The following L3MBTL3 variants were observed in gnomAD, a reference collection of about 807,000 sequenced individuals.
The protein encoded by L3MBTL3 is L3MBTL histone methyl-lysine binding protein 3.
L3MBTL3 carries 27 observed loss-of-function variants against 102.3 expected under a neutral mutation model. The observed-to-expected ratio is 0.26, with a 90% CI of 0.19 to 0.36. The LOEUF is 0.36. Among genes scored for constraint, L3MBTL3 ranks in the 10% least tolerant of loss-of-function variants. L3MBTL3 has a pLI of 1.00. For missense variants in L3MBTL3, 798 were observed against 955.3 expected (o/e 0.84, Z 2.17); for synonymous variants, 340 against 320.9 (o/e 1.06, Z -0.64).
At chr6:130,109,957 C>T (rs1464589447) in intron 19 of L3MBTL3, among the ~76,000 whole-genome samples, 12 of 152,144 alleles carry the variant, frequency 7.9e-5, no homozygotes, top group Non-Finnish European at 4.4e-5. Flanking sequence ...AATAGAAAAT[C>T]GTTTCCCGCT....
intron 1 of L3MBTL3, chr6:130,020,736 C>T (rs1035978052): frequency 6.6e-6 from 1 of 151,708 alleles, no homozygotes; most frequent in Non-Finnish European, 1.5e-5. Flanking sequence ...TTTCCTCCCC[C>T]TCCCCGCCGA....
At position 130,127,636 on chromosome 6, in the gene L3MBTL3, TAATG is replaced by T; in HGVS notation, c.1967-5813_1967-5810del. Among the ~76,000 whole-genome samples the T allele has an allele frequency of 2.0e-5, 3 of 152,280 alleles. No individual in the cohort carries two copies. The South Asian group carries it at 6.2e-4, about 32-fold the overall frequency. On this transcript the variant is annotated intron_variant, in intron 20 of 22. Transcript: ENST00000361794. ...TTGCTGCTTTTTTAGAGGGATGAAA[TAATG>T]AAGTCAAAGATCCACAAACTTATTT...
chr6:130,123,428 T>G (rs1192385049), intron 20 of L3MBTL3, among the ~76,000 whole-genome samples: 1 of 152,206 alleles, frequency 6.6e-6, no homozygotes, highest in African/African-American at 2.4e-5. Context: ...TCTTACTTTT[T>G]GTTAGTGAAA....
intron 2 of L3MBTL3, among the ~76,000 whole-genome samples, chr6:130,030,004 A>G (rs559565681): frequency 2.0e-5 from 3 of 152,108 alleles, no homozygotes; most frequent in African/African-American, 7.2e-5. Flanking sequence ...TTGTATTTTC[A>G]GTCACCACCA....
At chr6:130,069,929 G>A (rs1364703750) in intron 12 of L3MBTL3, among the ~76,000 whole-genome samples, 1 of 152,172 alleles carries the variant, frequency 6.6e-6, no homozygotes, top group African/African-American at 2.4e-5. Flanking sequence ...TATAGCATTA[G>A]TGCCTGTTCT....
At chr6:130,094,193 C>G (rs1452229457) in intron 17 of L3MBTL3, 72 bp from the exon 18 acceptor site, 1 of 1,193,428 alleles carries the variant, frequency 8.4e-7, no homozygotes, top group Non-Finnish European at 1.2e-6. Context: ...TTATTCTGAT[C>G]CAGACATTTG....
intron 10 of L3MBTL3, among the ~76,000 whole-genome samples, chr6:130,062,400 T>C (rs931113740): frequency 9.2e-5 from 14 of 151,550 alleles, no homozygotes; most frequent in African/African-American, 2.2e-4. Context: ...TTTTTTTTTT[T>C]CCGAGACAGG....
At chr6:130,127,145 A>G (rs1786659510) in intron 20 of L3MBTL3, among the ~76,000 whole-genome samples, 1 of 152,188 alleles carries the variant, frequency 6.6e-6, no homozygotes. Context: ...CCTGAGAAGA[A>G]TAGATGAAAA....
At chr6:130,068,603 G>T (rs780664985) in intron 12 of L3MBTL3, among the ~76,000 whole-genome samples, 182 bp downstream of exon 12, 1 of 152,134 alleles carries the variant, frequency 6.6e-6, no homozygotes, top group Non-Finnish European at 1.5e-5. Flanking sequence ...ATGTTTTATA[G>T]CCATATTATG....
chr6:130,049,244 A>T, intron 3 of L3MBTL3, 38 bp from the exon 4 acceptor site: 1 of 1,142,870 alleles, frequency 8.7e-7, no homozygotes, highest in Non-Finnish European at 1.3e-6. Context: ...TTTCCTGAGC[A>T]CTTTTTAAAT....
At chr6:130,123,040 G>A (rs1444315304) in intron 20 of L3MBTL3, among the ~76,000 whole-genome samples, 1 of 152,064 alleles carries the variant, frequency 6.6e-6, no homozygotes, top group Non-Finnish European at 1.5e-5. Flanking sequence ...ACTTGTTGAG[G>A]GAGTAATAAT....
intron 22 of L3MBTL3, among the ~76,000 whole-genome samples, chr6:130,139,372 T>A (rs749154569): frequency 6.6e-6 from 1 of 152,226 alleles, no homozygotes; most frequent in Non-Finnish European, 1.5e-5. Flanking sequence ...GGGCACCTTC[T>A]GTTTTCCTTT....
chr6:130,109,218 A>G (rs1785194198), intron 19 of L3MBTL3, among the ~76,000 whole-genome samples: 1 of 152,190 alleles, frequency 6.6e-6, no homozygotes, highest in South Asian at 2.1e-4. Context: ...TTGGGTATAT[A>G]TCCAGTAATG....
At chr6:130,071,641 G>T (rs965562619) in intron 13 of L3MBTL3, among the ~76,000 whole-genome samples, 1 of 151,960 alleles carries the variant, frequency 6.6e-6, no homozygotes, top group African/African-American at 2.4e-5. Context: ...TTCATTGATT[G>T]CTGTAATTCA....
chr6:130,059,484 A>C (rs993703234), intron 9 of L3MBTL3, among the ~76,000 whole-genome samples: 1 of 152,234 alleles, frequency 6.6e-6, no homozygotes, highest in African/African-American at 2.4e-5. Flanking sequence ...ACATACATGC[A>C]TGTATACTTT....
chr6:130,024,017 A>G (rs535856936), intron 2 of L3MBTL3, among the ~76,000 whole-genome samples: 1 of 152,336 alleles, frequency 6.6e-6, no homozygotes, highest in African/African-American at 2.4e-5. Context: ...TAAATGAAAG[A>G]AATACTTTAA....
At chr6:130,108,957 T>G (rs147468325) in intron 19 of L3MBTL3, among the ~76,000 whole-genome samples, 60 of 152,142 alleles carry the variant, frequency 3.9e-4, no homozygotes, top group African/African-American at 1.4e-3. Context: ...ACGTGTGGTG[T>G]TTGGTTTTCT....
intron 19 of L3MBTL3, among the ~76,000 whole-genome samples, chr6:130,114,982 G>A (rs936039864): frequency 6.6e-6 from 1 of 151,764 alleles, no homozygotes; most frequent in Non-Finnish European, 1.5e-5. Context: ...TTTAGAGAAT[G>A]TGGAGATTCT....
At chr6:130,061,896 A>G (rs1781922785) in intron 10 of L3MBTL3, among the ~76,000 whole-genome samples, 1 of 152,202 alleles carries the variant, frequency 6.6e-6, no homozygotes, top group South Asian at 2.1e-4. Flanking sequence ...CAGGGAGAGC[A>G]GGCAGTTTAA....
Sources: gnomAD v4.1 joint callset for allele counts (sites outside exome capture counted in the v4.1 genomes callset) on GRCh38, gnomAD v4.1.1 for gene constraint, MANE v1.5 for transcripts, NCBI Gene and HGNC (gene_info 2026-07-23, HGNC 2026-07-21) for gene names.